IRAK1BP1: variants seen among roughly 807,000 people sequenced by gnomAD.
IRAK1BP1 encodes interleukin 1 receptor associated kinase 1 binding protein 1.
IRAK1BP1 carries 24 observed loss-of-function variants against 28.0 expected under a neutral mutation model. The ratio of observed to expected loss-of-function variants is 0.86; its 90% CI spans 0.62 to 1.20. The LOEUF (loss-of-function observed/expected upper bound fraction) is 1.20, where lower values mean the gene tolerates loss of function less well. Ranked by LOEUF, IRAK1BP1 falls within the 50% of genes most tolerant of loss-of-function variation. IRAK1BP1 has a pLI of 0.00. For missense variants in IRAK1BP1, 336 were observed against 316.7 expected, an observed-to-expected ratio of 1.06 and a Z score of -0.46; for synonymous variants, 131 against 116.3, an observed-to-expected ratio of 1.13 and a Z score of -0.81.
At chr6:78,885,824 T>C (rs891484787) in intron 2 of IRAK1BP1, among the ~76,000 whole-genome samples, 5 of 152,306 alleles carry the variant, frequency 3.3e-5, no homozygotes, top group South Asian at 4.1e-4. Context: ...GCAATTTTAC[T>C]GTATTGTGAT....
intron 4 of IRAK1BP1, among the ~76,000 whole-genome samples, chr6:78,943,989 TTAAAAA>T (rs1395413914): frequency 8.5e-5 from 4 of 46,822 alleles, no homozygotes; most frequent in Non-Finnish European, 1.2e-4. Context: ...CTGTCTTTTT[TTAAAAA>T]AAAAAAAAAA....
At chr6:78,914,209 A>G (rs968069696) in intron 4 of IRAK1BP1, among the ~76,000 whole-genome samples, 3 of 152,172 alleles carry the variant, frequency 2.0e-5, no homozygotes, top group African/African-American at 4.8e-5. Context: ...AAAACTGGAG[A>G]AAAAGAGTGT....
chr6:78,958,458 A>T, the IRAK1BP1 span: 4 of 1,367,228 alleles, frequency 2.9e-6, no homozygotes, highest in African/African-American at 2.9e-5. Context: ...ATAATTACAT[A>T]TGAAAAGATA....
intron 4 of IRAK1BP1, among the ~76,000 whole-genome samples, chr6:78,934,054 C>T (rs760396271): frequency 6.6e-5 from 10 of 152,036 alleles, no homozygotes; most frequent in Non-Finnish European, 8.8e-5. Context: ...TTAGAGGCCA[C>T]GGTAGGGTAA....
chr6:78,929,845 T>A lies in IRAK1BP1; in HGVS notation c.*68-15563T>A, dbSNP rs1359963716. The stretch of plus-strand genomic sequence containing the variant: ...TTCTTATATTGGTCCACTGAACATA[T>A]AAGCTAATATTACTTTTACATAATA... On this transcript the variant is annotated intron_variant and NMD_transcript_variant, in intron 4 of 4. Coordinates refer to the IRAK1BP1 transcript ENST00000606868. Among the ~76,000 whole-genome samples the A allele has an allele frequency of 1.4e-4, 22 of 152,158 alleles. 1 individual carries two copies. The highest frequency in any genetic ancestry group is 1.0e-4 in the Non-Finnish European group (7 of 68,028).
intron 2 of IRAK1BP1, among the ~76,000 whole-genome samples, chr6:78,892,721 A>T (rs1267286956): frequency 6.6e-6 from 1 of 152,178 alleles, no homozygotes. Flanking sequence ...GATGTGCAAG[A>T]TATTAAAAAC....
intron 2 of IRAK1BP1, among the ~76,000 whole-genome samples, chr6:78,893,881 C>A (rs928672824): frequency 2.0e-5 from 3 of 151,378 alleles, no homozygotes; most frequent in Non-Finnish European, 4.4e-5. Flanking sequence ...CCAGCCTGGG[C>A]GACAGAGCAA....
At position 78,919,442 on chromosome 6, in the gene IRAK1BP1, C is replaced by T. The variant is rs181263392; in HGVS notation, c.*67+16332C>T. The stretch of plus-strand genomic sequence containing the variant: ...AAGGATAAACAAGATGGATAGACCA[C>T]GAGGTAGGTTAACAAAGAAAAAAAG... On this transcript the variant is annotated intron_variant and NMD_transcript_variant, in intron 4 of 4. Transcript: ENST00000606868. Among the ~76,000 whole-genome samples, 38 of 152,050 alleles carry T rather than the reference C, an allele frequency of 2.5e-4. No homozygotes were observed. In the East Asian group the frequency reaches 4.6e-3, roughly 19 times the overall value.
intron 1 of IRAK1BP1, chr6:78,871,396 C>G (rs887067946): frequency 1.0e-6 from 1 of 985,420 alleles, no homozygotes; most frequent in Non-Finnish European, 1.2e-6. Context: ...TGTAAGATTC[C>G]TTTAACACAG....
chr6:78,952,440 A>AAAAAAAAAAAAAGAAAAAAAAAAAG, the IRAK1BP1 span, among the ~76,000 whole-genome samples: 1 of 143,786 alleles, frequency 7.0e-6, no homozygotes, highest in Admixed American at 6.8e-5. Context: ...AAAAAAAAAA[A>AAAAAAAAAAAAAGAAAAAAAAAAAG]GAAAAAAAAA....
At chr6:78,921,817 C>A (rs1024497477) in intron 4 of IRAK1BP1, among the ~76,000 whole-genome samples, 4 of 152,226 alleles carry the variant, frequency 2.6e-5, no homozygotes, top group African/African-American at 9.6e-5. Flanking sequence ...AAAACAGGGT[C>A]TGGAGTGGAC....
chr6:78,896,824 CAAAA>C (rs36004777), intron 2 of IRAK1BP1, among the ~76,000 whole-genome samples: 1 of 132,440 alleles, frequency 7.6e-6, no homozygotes. Flanking sequence ...GACCCTGGCT[CAAAA>C]AAAAAAAAAA....
intron 2 of IRAK1BP1, among the ~76,000 whole-genome samples, chr6:78,891,637 AT>A (rs1771666079): frequency 6.6e-6 from 1 of 151,818 alleles, no homozygotes; most frequent in African/African-American, 2.4e-5. Context: ...AATTTTTGTA[AT>A]TTTAGTAGAA....
chr6:78,916,711 A>G (rs934107553), intron 4 of IRAK1BP1, among the ~76,000 whole-genome samples: 8 of 152,098 alleles, frequency 5.3e-5, no homozygotes, highest in African/African-American at 9.7e-5. Flanking sequence ...GTGAACAAAG[A>G]GCTAGAAAAG....
chr6:78,906,670 A>G (rs1280869441), downstream of IRAK1BP1, among the ~76,000 whole-genome samples: 2 of 152,178 alleles, frequency 1.3e-5, no homozygotes, highest in Non-Finnish European at 2.9e-5. Context: ...TTCAGTTACA[A>G]ACTTACACTG....
chr6:78,891,086 A>G (rs1464499810), intron 2 of IRAK1BP1, among the ~76,000 whole-genome samples: 2 of 152,222 alleles, frequency 1.3e-5, no homozygotes, highest in African/African-American at 2.4e-5. Flanking sequence ...AAAGGAACTC[A>G]TAGATTACCC....
At chr6:78,953,877 C>T in the IRAK1BP1 span, among the ~76,000 whole-genome samples, 2 of 151,994 alleles carry the variant, frequency 1.3e-5, no homozygotes, top group African/African-American at 4.8e-5. Flanking sequence ...TAAGACACCA[C>T]GCCCGACCCC....
At chr6:78,963,003 T>C in the IRAK1BP1 span, 2 of 1,134,634 alleles carry the variant, frequency 1.8e-6, no homozygotes, top group South Asian at 3.4e-5. Flanking sequence ...ACTTAGGATA[T>C]TGTGAAAAAA....
At chr6:78,941,347 GT>G (rs1315560206) in intron 4 of IRAK1BP1, 1 of 1,585,494 alleles carries the variant, frequency 6.3e-7, no homozygotes, top group Non-Finnish European at 8.6e-7. Context: ...GGGAACAACA[GT>G]ACACTTAATA....
Sources: gnomAD v4.1 joint callset for allele counts (sites outside exome capture counted in the v4.1 genomes callset) on GRCh38, gnomAD v4.1.1 for gene constraint, MANE v1.5 for transcripts, NCBI Gene and HGNC (gene_info 2026-07-23, HGNC 2026-07-21) for gene names.